The following CADM2 variants were observed in gnomAD, a reference collection of about 807,000 sequenced individuals.
CADM2 encodes cell adhesion molecule 2, also known as immunoglobulin superfamily member 4D.
Under a neutral mutation model 49.8 loss-of-function variants are expected in CADM2, and 12 were observed. The observed-to-expected ratio is 0.24, with a 90% confidence interval of 0.15 to 0.39. CADM2 has a LOEUF of 0.39. Ranked by LOEUF, CADM2 falls within the 10% of genes least tolerant of loss-of-function variation. The pLI, the probability that CADM2 is intolerant of heterozygous loss-of-function variation, is 1.00. For missense variants in CADM2, 378 were observed against 492.3 expected (o/e 0.77, Z 2.20); for synonymous variants, 214 against 175.4 (o/e 1.22, Z -1.74).
At chr3:85,988,304 T>C (rs1728361514) in intron 8 of CADM2, among the ~76,000 whole-genome samples, 1 of 152,208 alleles carries the variant, frequency 6.6e-6, no homozygotes, top group South Asian at 2.1e-4. Flanking sequence ...TAAATTAAGC[T>C]ATGGCCAGAA....
chr3:85,318,779 T>C (rs1002865911), intron 1 of CADM2, among the ~76,000 whole-genome samples: 4 of 152,192 alleles, frequency 2.6e-5, no homozygotes, highest in African/African-American at 9.6e-5. Flanking sequence ...TAGACCATTG[T>C]AGAATGATGC....
chr3:85,316,302 G>A (rs930073220), intron 1 of CADM2, among the ~76,000 whole-genome samples: 1 of 152,072 alleles, frequency 6.6e-6, no homozygotes, highest in African/African-American at 2.4e-5. Context: ...AATTTTCATT[G>A]TAGTATGTTA....
intron 1 of CADM2, among the ~76,000 whole-genome samples, chr3:85,711,645 C>T (rs889890071): frequency 2.6e-5 from 4 of 152,016 alleles, no homozygotes; most frequent in Non-Finnish European, 2.9e-5. Flanking sequence ...TCCTTCAAGG[C>T]GATCCCATTA....
chr3:85,195,542 GACACACACACAC>G (rs71108270), intron 1 of CADM2, among the ~76,000 whole-genome samples: 3 of 146,974 alleles, frequency 2.0e-5, no homozygotes, highest in East Asian at 4.0e-4. Context: ...AAACCAGCAA[GACACACACACAC>G]ACACACACAC....
rs145657719 is a variant in CADM2, at chr3:85,474,146, T to TTG, written c.62-252362_62-252361dup. 2.7e-4 allele frequency among the ~76,000 whole-genome samples: 40 copies of TTG among 150,726 alleles called. No individual in the cohort carries two copies. In the East Asian group the frequency reaches 4.5e-3, roughly 17 times the overall value. On this transcript the variant is annotated intron_variant, in intron 1 of 9. Transcript: ENST00000383699. ...CAGAAAAATAGAACCAACAGGAGGT[T>TTG]TGTGTGTGTGTGTGTTGTGTGTTTA...
chr3:85,415,743 GATTTT>G (rs1450053527), intron 1 of CADM2, among the ~76,000 whole-genome samples: 1 of 151,994 alleles, frequency 6.6e-6, no homozygotes, highest in African/African-American at 2.4e-5. Flanking sequence ...CTCATGCATT[GATTTT>G]AAAGTTATGA....
intron 1 of CADM2, among the ~76,000 whole-genome samples, chr3:85,060,903 A>C (rs947047679): frequency 6.6e-6 from 1 of 152,172 alleles, no homozygotes; most frequent in Non-Finnish European, 1.5e-5. Flanking sequence ...TTATATTAAC[A>C]ATAACCAGTT....
In CADM2 at chr3:85,509,630, A is replaced by G. The variant is rs75463854; in HGVS notation, c.62-216892A>G. Among the ~76,000 whole-genome samples the G allele has an allele frequency of 6.0e-3, 914 of 152,224 alleles. 13 individuals are homozygous for G. The highest frequency in any genetic ancestry group is 0.021 in the African/African-American group (870 of 41,550). On this transcript the variant is annotated intron_variant, in intron 1 of 9. Coordinates refer to ENST00000383699, the MANE Select transcript of CADM2 (RefSeq NM_001167675.2). ...CATGAGGGCAGTGATGGTCTGCGTG[A>G]CATTAAAAGTGATGGTTTGTTAGCA...
At chr3:85,828,698 GCTAT>G (rs1279354219) in intron 3 of CADM2, among the ~76,000 whole-genome samples, 4 of 151,714 alleles carry the variant, frequency 2.6e-5, no homozygotes, top group Admixed American at 6.6e-5. Flanking sequence ...TGTTCTTTCA[GCTAT>G]CTAACTTTTT....
At chr3:85,160,315 C>T (rs548228767) in intron 1 of CADM2, among the ~76,000 whole-genome samples, 1 of 151,566 alleles carries the variant, frequency 6.6e-6, no homozygotes, top group South Asian at 2.1e-4. Flanking sequence ...CCTCATTTAA[C>T]TCTTCAATCT....
intron 8 of CADM2, among the ~76,000 whole-genome samples, chr3:86,020,941 C>T (rs947429683): frequency 6.6e-6 from 1 of 152,090 alleles, no homozygotes; most frequent in Non-Finnish European, 1.5e-5. Flanking sequence ...ACAGGGATGC[C>T]TTCTCTCACC....
At chr3:85,637,595 C>A (rs2064543366) in intron 1 of CADM2, among the ~76,000 whole-genome samples, 1 of 31,922 alleles carries the variant, frequency 3.1e-5, no homozygotes, top group Admixed American at 3.0e-4. Context: ...GGCGACAGAG[C>A]GAGACTCCGT....
chr3:85,143,698 G>A (rs1241668716), intron 1 of CADM2, among the ~76,000 whole-genome samples: 1 of 151,942 alleles, frequency 6.6e-6, no homozygotes. Context: ...CTAACTCCAT[G>A]GTCTAAAAAA....
chr3:85,032,834 A>G (rs1188501417), intron 1 of CADM2, among the ~76,000 whole-genome samples: 1 of 152,182 alleles, frequency 6.6e-6, no homozygotes, highest in Non-Finnish European at 1.5e-5. Flanking sequence ...ATGCTTTGAC[A>G]TCAGTGGCCT....
intron 1 of CADM2, among the ~76,000 whole-genome samples, chr3:85,175,129 A>T (rs1389165933): frequency 1.3e-5 from 2 of 152,214 alleles, no homozygotes; most frequent in Non-Finnish European, 2.9e-5. Flanking sequence ...TAACAAATGA[A>T]CACAATCCAG....
chr3:85,420,891 G>A (rs1183217123), intron 1 of CADM2, among the ~76,000 whole-genome samples: 2 of 151,842 alleles, frequency 1.3e-5, no homozygotes, highest in Non-Finnish European at 2.9e-5. Context: ...TTTAAGACAA[G>A]GTAAAAATTG....
chr3:85,568,463 C>CTTTCTTTT (rs1424573453), intron 1 of CADM2, among the ~76,000 whole-genome samples: 4 of 13,190 alleles, frequency 3.0e-4, no homozygotes, highest in African/African-American at 5.2e-4. Flanking sequence ...TTCTTTCTTT[C>CTTTCTTTT]TCTTTCTCTC....
At chr3:85,491,750 G>A (rs1450233254) in intron 1 of CADM2, among the ~76,000 whole-genome samples, 1 of 151,954 alleles carries the variant, frequency 6.6e-6, no homozygotes, top group Non-Finnish European at 1.5e-5. Flanking sequence ...AGGAGATCGA[G>A]ACCATCCTTG....
intron 8 of CADM2, among the ~76,000 whole-genome samples, chr3:86,047,842 A>C (rs1449985726): frequency 6.6e-6 from 1 of 152,168 alleles, no homozygotes; most frequent in African/African-American, 2.4e-5. Context: ...GACAACTTCT[A>C]CAATTAAACT....
Sources: allele counts gnomAD v4.1 joint callset (sites outside exome capture counted in the v4.1 genomes callset), GRCh38; gene constraint gnomAD v4.1.1; transcripts MANE v1.5; gene names NCBI Gene and HGNC (gene_info 2026-07-23, HGNC 2026-07-21).